The following MAP4K4 variants were observed in gnomAD, a reference collection of about 807,000 sequenced individuals.
MAP4K4 encodes HPK/GCK-like kinase HGK.
In MAP4K4, 38 loss-of-function variants were observed where a neutral mutation model predicts 189.6. The observed-to-expected ratio is 0.20, with a 90% CI of 0.15 to 0.26. MAP4K4 has a LOEUF of 0.26. MAP4K4 is among the 10% of genes least tolerant of loss of function. The pLI is 1.00. For missense variants in MAP4K4, 1,054 were observed against 1,726.9 expected, an observed-to-expected ratio of 0.61 and a Z score of 6.91; for synonymous variants, 610 against 624.3, an observed-to-expected ratio of 0.98 and a Z score of 0.34.
At position 101,833,437 on chromosome 2, in the gene MAP4K4, G is replaced by T. The variant is rs567154557; in HGVS notation, c.640-972G>T. 1.1e-4 allele frequency among the ~76,000 whole-genome samples: 17 copies of T among 152,042 alleles called. No individual in the cohort carries two copies. In the East Asian group the frequency reaches 3.3e-3, roughly 29 times the overall value. ...AGATCGAGACCATCCTGGCTAACCC[G>T]GTGAAACCCCATCTTTACTAAAAAT... On this transcript the variant is annotated intron_variant, in intron 7 of 32. Coordinates refer to ENST00000324219, the Ensembl canonical transcript of MAP4K4.
intron 24 of MAP4K4, among the ~76,000 whole-genome samples, chr2:101,872,969 AT>A (rs2098092507): frequency 6.6e-6 from 1 of 152,112 alleles, no homozygotes; most frequent in East Asian, 1.9e-4. Context: ...TTTGTTTTTA[AT>A]TGTCATTACA....
intron 2 of MAP4K4, among the ~76,000 whole-genome samples, chr2:101,738,748 G>A (rs2061476278): frequency 6.6e-6 from 1 of 151,824 alleles, no homozygotes; most frequent in South Asian, 2.1e-4. Flanking sequence ...TGCTTTCTGG[G>A]TTCCTGTCCT....
intron 2 of MAP4K4, among the ~76,000 whole-genome samples, chr2:101,733,627 A>C (rs536916650): frequency 1.3e-5 from 2 of 152,300 alleles, no homozygotes; most frequent in South Asian, 4.1e-4. Context: ...CCAAAGGGCA[A>C]AATGTATGGA....
intron 3 of MAP4K4, among the ~76,000 whole-genome samples, chr2:101,793,879 A>C (rs2093336118): frequency 1.3e-5 from 2 of 152,172 alleles, no homozygotes; most frequent in African/African-American, 4.8e-5. Flanking sequence ...GATTATGTGA[A>C]TCTGGAAAAC....
At chr2:101,761,112 C>T (rs1575090324) in intron 2 of MAP4K4, among the ~76,000 whole-genome samples, 1 of 152,288 alleles carries the variant, frequency 6.6e-6, no homozygotes, top group East Asian at 1.9e-4. Flanking sequence ...ATACTTCTTC[C>T]TAGAACAGAA....
At chr2:101,704,827 A>G (rs2149215134) in intron 2 of MAP4K4, among the ~76,000 whole-genome samples, 1 of 152,072 alleles carries the variant, frequency 6.6e-6, no homozygotes, top group South Asian at 2.1e-4. Context: ...AAAGATGACT[A>G]GGAAGAAAAT....
intron 2 of MAP4K4, among the ~76,000 whole-genome samples, chr2:101,778,094 T>A (rs2150485074): frequency 6.6e-6 from 1 of 152,286 alleles, no homozygotes; most frequent in East Asian, 1.9e-4. Flanking sequence ...TGGAATGACT[T>A]CCCTGGAGCA....
At chr2:101,744,766 A>G (rs1464041048) in intron 2 of MAP4K4, among the ~76,000 whole-genome samples, 1 of 152,144 alleles carries the variant, frequency 6.6e-6, no homozygotes, top group Non-Finnish European at 1.5e-5. Flanking sequence ...TGTTCATCCT[A>G]AGAACAAAAT....
intron 2 of MAP4K4, among the ~76,000 whole-genome samples, chr2:101,721,987 G>C (rs1193723665): frequency 6.6e-6 from 1 of 152,148 alleles, no homozygotes; most frequent in Non-Finnish European, 1.5e-5. Flanking sequence ...TGCTGCAGCT[G>C]ATGAACAGAG....
At chr2:101,851,553 A>C (rs916362042) in intron 12 of MAP4K4, among the ~76,000 whole-genome samples, 1 of 151,980 alleles carries the variant, frequency 6.6e-6, no homozygotes, top group Non-Finnish European at 1.5e-5. Flanking sequence ...GATATTAAGG[A>C]CTTTCTTAAT....
chr2:101,720,497 C>T (rs1388256825), intron 2 of MAP4K4, among the ~76,000 whole-genome samples: 1 of 152,082 alleles, frequency 6.6e-6, no homozygotes, highest in Non-Finnish European at 1.5e-5. Context: ...CCTCGTTTTT[C>T]CTGGAGAAAC....
At chr2:101,759,389 G>A (rs960435377) in intron 2 of MAP4K4, among the ~76,000 whole-genome samples, 34 of 151,882 alleles carry the variant, frequency 2.2e-4, no homozygotes, top group African/African-American at 7.3e-4. Context: ...GGAAGGGTTT[G>A]TTTGTGAAGG....
Position 101,874,255 on chromosome 2 carries a change from A to G in MAP4K4, c.3241+3A>G, listed in dbSNP as rs1577199386. The G allele has an allele frequency of 3.7e-6, 6 of 1,604,530 alleles. No individual in the cohort carries two copies. Among genetic ancestry groups the G allele is most frequent in the East Asian group, 2.2e-5 (1 of 44,684 alleles). ...GATTCTGTGTGCTGCCTTATGGGGT[A>G]GGTGTCTAGCCACTACTCCAACACT... On this transcript the variant is annotated splice_donor_region_variant and intron_variant, in intron 26 of 32. Transcript: ENST00000324219.
In MAP4K4 at chr2:101,750,049, T is replaced by G. The variant is rs1445735414; in HGVS notation, c.124-40671T>G. ...GGATGTGGAGAAATAGGAACACTTTTACACTGTTGGTGGGACTGTAAATTA... is the reference window on the plus strand; with the variant it reads ...GGATGTGGAGAAATAGGAACACTTTGACACTGTTGGTGGGACTGTAAATTA... On this transcript the variant is annotated intron_variant, in intron 2 of 32. Transcript: ENST00000324219. 2.7e-5 allele frequency among the ~76,000 whole-genome samples: 4 copies of G among 149,550 alleles called. 1 individual carries two copies. Among genetic ancestry groups the G allele is most frequent in the Non-Finnish European group, 5.9e-5 (4 of 67,230 alleles).
rs1045233507 is a variant in MAP4K4 at position 101,845,578 on chromosome 2, T to C, written c.1233+1267T>C. On this transcript the variant is annotated intron_variant, in intron 12 of 32. Coordinates refer to ENST00000324219, the Ensembl canonical transcript of MAP4K4. ...CTGTACAGCATGTTACTGTGCCTTATACTGTAGGCAGTTGTAACACAATGG... is the reference window on the plus strand; with the variant it reads ...CTGTACAGCATGTTACTGTGCCTTACACTGTAGGCAGTTGTAACACAATGG... Among the ~76,000 whole-genome samples, 9 of 152,212 alleles carry C rather than the reference T, an allele frequency of 5.9e-5. No homozygotes were observed. In the South Asian group the frequency reaches 1.9e-3, roughly 31 times the overall value.
At chr2:101,733,876 C>T (rs1359530239) in intron 2 of MAP4K4, among the ~76,000 whole-genome samples, 1 of 152,214 alleles carries the variant, frequency 6.6e-6, no homozygotes, top group African/African-American at 2.4e-5. Flanking sequence ...CACATACTAG[C>T]TGTGTGACCT....
intron 2 of MAP4K4, among the ~76,000 whole-genome samples, chr2:101,777,225 G>T (rs958578428): frequency 6.6e-6 from 1 of 152,222 alleles, no homozygotes; most frequent in East Asian, 1.9e-4. Context: ...CCAAGCATGA[G>T]CTTTGTGTGA....
chr2:101,837,098 G>A (rs2096779206), intron 9 of MAP4K4, among the ~76,000 whole-genome samples: 1 of 140,284 alleles, frequency 7.1e-6, no homozygotes, highest in South Asian at 2.2e-4. Flanking sequence ...CTACTATATG[G>A]CTTTTTTTTT....
chr2:101,785,700 CT>C (rs1558913826), intron 2 of MAP4K4, among the ~76,000 whole-genome samples: 13 of 5,288 alleles, frequency 2.5e-3, no homozygotes, highest in Non-Finnish European at 2.1e-3. Context: ...CTCTCTCTCT[CT>C]CTCTCTCTCT....
Sources: gnomAD v4.1 joint callset for allele counts (sites outside exome capture counted in the v4.1 genomes callset) on GRCh38, gnomAD v4.1.1 for gene constraint, MANE v1.5 for transcripts, NCBI Gene and HGNC (gene_info 2026-07-23, HGNC 2026-07-21) for gene names.